The following SHISA6 variants were observed in gnomAD, a reference collection of about 807,000 sequenced individuals.
The protein encoded by SHISA6 is shisa family member 6.
In SHISA6, 22 loss-of-function variants were observed where a neutral mutation model predicts 47.9. The ratio of observed to expected loss-of-function variants is 0.46; its 90% CI spans 0.33 to 0.66. The LOEUF (loss-of-function observed/expected upper bound fraction) is 0.66. SHISA6 is among the 30% of genes least tolerant of loss of function. The probability of loss-of-function intolerance (pLI) is 0.02; values close to 1 mark genes in which losing one functional copy is unlikely to be tolerated. For synonymous variants in SHISA6, 388 were observed against 337.8 expected (o/e 1.15, Z -1.63); for missense variants, 680 against 764.6 (o/e 0.89, Z 1.30).
intron 1 of SHISA6, among the ~76,000 whole-genome samples, chr17:11,254,552 C>G (rs996347802): frequency 6.6e-6 from 1 of 152,198 alleles, no homozygotes; most frequent in African/African-American, 2.4e-5. Context: ...GTGACTCTCT[C>G]TTTTGGCACC....
intron 2 of SHISA6, among the ~76,000 whole-genome samples, chr17:11,272,531 T>A (rs1908718429): frequency 6.6e-6 from 1 of 152,156 alleles, no homozygotes; most frequent in Non-Finnish European, 1.5e-5. Context: ...TACTTAACCT[T>A]CCGTGCTTCA....
chr17:11,443,348 A>C (rs1361471330), intron 3 of SHISA6, among the ~76,000 whole-genome samples: 5 of 152,232 alleles, frequency 3.3e-5, no homozygotes, highest in Admixed American at 3.3e-4. Context: ...GAAGACTGAA[A>C]GCCAAGGCAA....
At chr17:11,243,037 A>T (rs1907432683) in intron 1 of SHISA6, among the ~76,000 whole-genome samples, 2 of 151,570 alleles carry the variant, frequency 1.3e-5, no homozygotes, top group South Asian at 4.2e-4. Context: ...CAGGGAACAA[A>T]CCCTGCCCCG....
intron 3 of SHISA6, among the ~76,000 whole-genome samples, chr17:11,396,193 A>G (rs1913568055): frequency 6.6e-6 from 1 of 152,194 alleles, no homozygotes; most frequent in East Asian, 1.9e-4. Flanking sequence ...ATTTAAATGG[A>G]TTTCCTAATA....
At position 11,515,771 on chromosome 17, in the gene SHISA6, G is replaced by A. The variant is rs73286858; in HGVS notation, c.896-36125G>A. On this transcript the variant is annotated intron_variant, in intron 3 of 5. Transcript: ENST00000441885. ...TGAGCAGGGAACTCTTCCCAGGAGC[G>A]CAAGGGTAGATGCATCAACTCAACC... Among the ~76,000 whole-genome samples, 886 of 152,246 alleles carry A rather than the reference G, an allele frequency of 5.8e-3. 6 individuals carry two copies. The highest frequency in any genetic ancestry group is 0.019 in the African/African-American group (796 of 41,540).
At chr17:11,493,576 C>T (rs1218747964) in intron 3 of SHISA6, among the ~76,000 whole-genome samples, 8 of 152,102 alleles carry the variant, frequency 5.3e-5, no homozygotes, top group African/African-American at 1.4e-4. Flanking sequence ...TACACGCGTG[C>T]GCGCGCACAC....
At chr17:11,247,439 C>T (rs539099246) in intron 1 of SHISA6, among the ~76,000 whole-genome samples, 1 of 152,168 alleles carries the variant, frequency 6.6e-6, no homozygotes, top group African/African-American at 2.4e-5. Flanking sequence ...GAGGTCACCA[C>T]CCTCCTTCCC....
rs534379191 is a variant in SHISA6, at chr17:11,386,944, A to G, written c.895+7435A>G. Reference sequence around the variant, plus strand: ...AACCCTCAGTTTCTGGCAAATGAGGACAGTTGGTCACCCTAATGGTGTGGG... The same window carrying G: ...AACCCTCAGTTTCTGGCAAATGAGGGCAGTTGGTCACCCTAATGGTGTGGG... On this transcript the variant is annotated intron_variant, in intron 3 of 5. Coordinates refer to ENST00000441885, the MANE Select transcript of SHISA6 (RefSeq NM_207386.4). Among the ~76,000 whole-genome samples, 23 of 152,346 alleles carry G rather than the reference A, an allele frequency of 1.5e-4. No individual in the cohort carries two copies. In the East Asian group the frequency reaches 4.2e-3, roughly 28 times the overall value.
intron 3 of SHISA6, among the ~76,000 whole-genome samples, chr17:11,390,542 T>G (rs1398793588): frequency 6.6e-6 from 1 of 152,214 alleles, no homozygotes; most frequent in Non-Finnish European, 1.5e-5. Flanking sequence ...ACCATTTTAT[T>G]ATAACGAAAA....
intron 2 of SHISA6, among the ~76,000 whole-genome samples, chr17:11,277,336 C>T (rs570888402): frequency 6.8e-6 from 1 of 147,588 alleles, no homozygotes; most frequent in South Asian, 2.2e-4. Context: ...TGTACGTATA[C>T]AGACTTTCTT....
chr17:11,544,866 C>A (rs1442948931), intron 3 of SHISA6, among the ~76,000 whole-genome samples: 1 of 146,890 alleles, frequency 6.8e-6, no homozygotes, highest in Non-Finnish European at 1.5e-5. Context: ...GAGGCTGAGG[C>A]AGGAGAATGG....
chr17:11,549,982 C>A (rs968913141), intron 3 of SHISA6, among the ~76,000 whole-genome samples: 3 of 152,124 alleles, frequency 2.0e-5, no homozygotes, highest in Non-Finnish European at 4.4e-5. Flanking sequence ...ATCTGTCTTG[C>A]GAAGGGACAG....
Position 11,390,229 on chromosome 17 carries a change from A to C in SHISA6, c.895+10720A>C, listed in dbSNP as rs551796991. ...GGTGAAGAGAGTCATGGAGTCAGACATGCTGGACTTCTGGCTCTAACCTTG... is the reference window on the plus strand; with the variant it reads ...GGTGAAGAGAGTCATGGAGTCAGACCTGCTGGACTTCTGGCTCTAACCTTG... On this transcript the variant is annotated intron_variant, in intron 3 of 5. Transcript: ENST00000441885. Among the ~76,000 whole-genome samples the C allele has an allele frequency of 3.9e-4, 59 of 152,216 alleles. 1 individual carries two copies. Among genetic ancestry groups the C allele is most frequent in the Non-Finnish European group, 7.1e-4 (48 of 68,040 alleles).
chr17:11,381,227 C>T (rs776813423), intron 3 of SHISA6, among the ~76,000 whole-genome samples: 5 of 152,168 alleles, frequency 3.3e-5, no homozygotes, highest in African/African-American at 1.2e-4. Context: ...ACCCCTTACT[C>T]TTATAGGTGG....
chr17:11,562,997 C>T lies in SHISA6; in HGVS notation c.*4693C>T, dbSNP rs2072059468. Reference sequence around the variant, plus strand: ...TGGAAGCCCTCTTGTAAAGACACACCTAAACCATCCTAAGTGACTGTGGAA... The same window carrying T: ...TGGAAGCCCTCTTGTAAAGACACACTTAAACCATCCTAAGTGACTGTGGAA... On this transcript the variant is annotated 3_prime_UTR_variant, in exon 6 of 6. Coordinates refer to ENST00000441885, the MANE Select transcript of SHISA6 (RefSeq NM_207386.4). 6.6e-6 allele frequency: 1 copy of T among 151,336 alleles called. No homozygotes were observed. Among genetic ancestry groups the T allele is most frequent in the South Asian group, 2.1e-4 (1 of 4,836 alleles). The allele number at this position is 151,336 out of a possible 1,614,324, so 9.4% of individuals were successfully genotyped here. A position where few individuals can be genotyped will look rare whatever the true frequency, so the allele number is the denominator to read the frequency against.
chr17:11,439,334 T>TG (rs1410383272), intron 3 of SHISA6, among the ~76,000 whole-genome samples: 2 of 151,928 alleles, frequency 1.3e-5, no homozygotes, highest in Non-Finnish European at 2.9e-5. Flanking sequence ...CATCTACGGG[T>TG]GGGGGGCAGT....
chr17:11,318,643 A>G (rs1910602157), intron 2 of SHISA6, among the ~76,000 whole-genome samples: 2 of 152,194 alleles, frequency 1.3e-5, no homozygotes, highest in South Asian at 4.1e-4. Flanking sequence ...TAGGTATAAT[A>G]TCTATTTTTC....
intron 3 of SHISA6, among the ~76,000 whole-genome samples, chr17:11,475,635 G>A (rs1916033821): frequency 6.6e-6 from 1 of 151,920 alleles, no homozygotes; most frequent in Non-Finnish European, 1.5e-5. Context: ...TATCCCACTT[G>A]GTCATGGTGT....
At chr17:11,267,880 A>G (rs1179604327) in intron 2 of SHISA6, among the ~76,000 whole-genome samples, 1 of 152,240 alleles carries the variant, frequency 6.6e-6, no homozygotes, top group Non-Finnish European at 1.5e-5. Context: ...AAATAAAAAG[A>G]TTGTTTAGGG....
Sources: allele counts gnomAD v4.1 joint callset (sites outside exome capture counted in the v4.1 genomes callset), GRCh38; gene constraint gnomAD v4.1.1; transcripts MANE v1.5; gene names NCBI Gene and HGNC (gene_info 2026-07-23, HGNC 2026-07-21).